COL14A1: variants seen among roughly 807,000 people sequenced by gnomAD.
COL14A1 encodes the protein collagen type XIV alpha 1 chain.
A neutral mutation model predicts 230.3 loss-of-function variants in COL14A1; 136 were observed. The observed-to-expected ratio is 0.59, with a 90% CI of 0.51 to 0.68. COL14A1 has a LOEUF of 0.68. Ranked by LOEUF, COL14A1 falls within the 30% of genes least tolerant of loss-of-function variation. The probability of loss-of-function intolerance (pLI) is 0.00; values close to 1 mark genes in which losing one functional copy is unlikely to be tolerated. For missense variants in COL14A1, 1,976 were observed against 2,215.8 expected (o/e 0.89, Z 2.17); for synonymous variants, 792 against 784.1 (o/e 1.01, Z -0.17).
chr8:120,182,046 C>T (rs1351382043), intron 5 of COL14A1, among the ~76,000 whole-genome samples: 1 of 152,148 alleles, frequency 6.6e-6, no homozygotes, highest in Non-Finnish European at 1.5e-5. Flanking sequence ...CCTCTAGTTC[C>T]TCCCTTACTG....
At chr8:120,198,924 G>T (rs1817135271) in intron 7 of COL14A1, among the ~76,000 whole-genome samples, 1 of 152,022 alleles carries the variant, frequency 6.6e-6, no homozygotes, top group Admixed American at 6.6e-5. Context: ...ATTTTTTTCT[G>T]GATGGAAAGT....
Position 120,277,887 on chromosome 8 carries a change from C to G in COL14A1, c.3214-224C>G, listed in dbSNP as rs1819902764. 3 of 272,124 alleles carry G rather than the reference C, an allele frequency of 1.1e-5. No homozygotes were observed. The Admixed American group carries it at 1.5e-4, about 13-fold the overall frequency. The allele number at this position is 272,124 out of a possible 1,614,324, so 16.9% of individuals were successfully genotyped here. ...GCCGTTTACCCATGTAACAAACCTACACAATGTACCCTCTGAATCTAAAAT... is the reference window on the plus strand; with the variant it reads ...GCCGTTTACCCATGTAACAAACCTAGACAATGTACCCTCTGAATCTAAAAT... On this transcript the variant is annotated intron_variant, in intron 26 of 47. Transcript: ENST00000297848.
intron 26 of COL14A1, among the ~76,000 whole-genome samples, chr8:120,272,645 T>C (rs1297556077): frequency 1.3e-5 from 2 of 151,502 alleles, no homozygotes; most frequent in Non-Finnish European, 3.0e-5. Flanking sequence ...GAGTAGCAAT[T>C]CTTATGTCAG....
At chr8:120,149,231 G>A (rs1434623334) in intron 2 of COL14A1, among the ~76,000 whole-genome samples, 1 of 152,154 alleles carries the variant, frequency 6.6e-6, no homozygotes, top group African/African-American at 2.4e-5. Context: ...TGGCATTGAG[G>A]GTTGTAGAAA....
At chr8:120,365,211 C>G (rs1823368995) in intron 45 of COL14A1, among the ~76,000 whole-genome samples, 1 of 152,042 alleles carries the variant, frequency 6.6e-6, no homozygotes, top group East Asian at 1.9e-4. Flanking sequence ...GGATTAGTCC[C>G]AAGAATACTT....
chr8:120,220,564 G>T (rs201792912), intron 14 of COL14A1, among the ~76,000 whole-genome samples: 55 of 152,134 alleles, frequency 3.6e-4, no homozygotes, highest in African/African-American at 1.3e-3. Flanking sequence ...GAGCCACCGC[G>T]CCCAGCCCAT....
chr8:120,206,282 T>C (rs1411999302), intron 9 of COL14A1, among the ~76,000 whole-genome samples: 1 of 152,100 alleles, frequency 6.6e-6, no homozygotes, highest in Non-Finnish European at 1.5e-5. Flanking sequence ...GTAGATGAGA[T>C]AAAAAAAACT....
chr8:120,225,179 G>A lies in COL14A1; in HGVS notation c.1829G>A (p.Gly610Glu). 6.2e-7 allele frequency: 1 copy of A among 1,612,820 alleles called. No homozygotes were observed. Among genetic ancestry groups the A allele is most frequent in the Non-Finnish European group, 8.5e-7 (1 of 1,179,602 alleles). Residue 610 changes from glycine (G) to glutamate (E), a missense_variant, in exon 15 of 48, where the codon GGA becomes GAA. Physicochemically the swap from Gly to Glu is moderately conservative, Grantham distance 98. Coordinates refer to ENST00000297848, the MANE Select transcript of COL14A1 (RefSeq NM_021110.4). ...TIAIFSIYDEGQSEPLTGVFT... is the reference protein window; with the variant it reads ...TIAIFSIYDEEQSEPLTGVFT... ...GCTATTTTCTCCATCTATGATGAAGGACAGTCAGAGCCTCTGACTGGAGTT... is the reference window on the plus strand; with the variant it reads ...GCTATTTTCTCCATCTATGATGAAGAACAGTCAGAGCCTCTGACTGGAGTT...
intron 1 of COL14A1, among the ~76,000 whole-genome samples, chr8:120,129,973 G>T (rs1814474517): frequency 6.6e-6 from 1 of 152,194 alleles, no homozygotes; most frequent in Non-Finnish European, 1.5e-5. Context: ...CTGAGGCCAT[G>T]AAACTAGCTG....
chr8:120,323,800 T>C (rs938867399), intron 40 of COL14A1, among the ~76,000 whole-genome samples: 2 of 152,236 alleles, frequency 1.3e-5, no homozygotes, highest in African/African-American at 2.4e-5. Context: ...ACAAGTACCA[T>C]GTTCTTTTGG....
Position 120,247,750 on chromosome 8 carries a change from G to A in COL14A1, c.2602+15G>A. 6.2e-7 allele frequency: 1 copy of A among 1,611,768 alleles called. No homozygotes were observed. Among genetic ancestry groups the A allele is most frequent in the Non-Finnish European group, 8.5e-7 (1 of 1,179,224 alleles). On this transcript the variant is annotated intron_variant, in intron 21 of 47. Transcript: ENST00000297848. ...ACCTGTCAGTGGTAAGTAATGCTTT[G>A]TAAATAATGTTGATACCATGAGTAG... is the stretch of plus-strand genomic sequence containing the variant.
intron 5 of COL14A1, among the ~76,000 whole-genome samples, chr8:120,191,956 G>A (rs959890680): frequency 1.3e-5 from 2 of 151,658 alleles, no homozygotes; most frequent in Non-Finnish European, 1.5e-5. Context: ...CGTGAGATGG[G>A]TTTCCTGAAT....
At chr8:120,257,761 A>G (rs115282034) in intron 23 of COL14A1, among the ~76,000 whole-genome samples, 1,802 of 152,190 alleles carry the variant, frequency 0.012, 40 homozygotes, top group African/African-American at 0.041. Context: ...ATGAGACCCA[A>G]TTTCCCCATG....
chr8:120,243,785 T>A, intron 19 of COL14A1, 94 bp from the exon 20 acceptor site: 1 of 1,422,644 alleles, frequency 7.0e-7, no homozygotes, highest in Non-Finnish European at 9.7e-7. Flanking sequence ...TCTCTTTTCT[T>A]TTGATTATTT....
intron 5 of COL14A1, among the ~76,000 whole-genome samples, chr8:120,191,023 G>GT (rs1440266382): frequency 2.1e-5 from 3 of 145,102 alleles, no homozygotes; most frequent in South Asian, 2.4e-4. Context: ...TTTTTGAAGG[G>GT]TTTTTTGTGT....
At position 120,308,389 on chromosome 8, in the gene COL14A1, T is replaced by C. The variant is rs74525734; in HGVS notation, c.4402-1620T>C. Among the ~76,000 whole-genome samples, 20 of 152,342 alleles carry C rather than the reference T, an allele frequency of 1.3e-4. No homozygotes were observed. In the East Asian group the frequency reaches 3.9e-3, roughly 29 times the overall value. ...TTAACATATCCAAGGTTCAGACAAC[T>C]ATGCAACAGTTAAGAATGAATTAGA... On this transcript the variant is annotated intron_variant, in intron 36 of 47. Transcript: ENST00000297848.
At chr8:120,150,872 G>A (rs1815258347) in intron 2 of COL14A1, among the ~76,000 whole-genome samples, 1 of 152,018 alleles carries the variant, frequency 6.6e-6, no homozygotes, top group African/African-American at 2.4e-5. Context: ...AAGGATTTTT[G>A]AAGCCTTAGA....
intron 9 of COL14A1, among the ~76,000 whole-genome samples, chr8:120,204,480 C>G (rs1370998446): frequency 6.6e-6 from 1 of 152,142 alleles, no homozygotes; most frequent in Non-Finnish European, 1.5e-5. Context: ...GAGATTCATC[C>G]AAGTCGTTGC....
intron 18 of COL14A1, among the ~76,000 whole-genome samples, chr8:120,229,872 C>T (rs1421796445): frequency 6.6e-6 from 1 of 152,006 alleles, no homozygotes; most frequent in African/African-American, 2.4e-5. Flanking sequence ...GTTGAGAATT[C>T]CCCTTCTTTT....
Sources: gnomAD v4.1 joint callset for allele counts (sites outside exome capture counted in the v4.1 genomes callset) on GRCh38, gnomAD v4.1.1 for gene constraint, MANE v1.5 for transcripts, NCBI Gene and HGNC (gene_info 2026-07-23, HGNC 2026-07-21) for gene names.